NEDD4L: variants seen among roughly 807,000 people sequenced by gnomAD.
The protein encoded by NEDD4L is NEDD4 like E3 ubiquitin protein ligase, also known as E3 ubiquitin-protein ligase NEDD4-like.
NEDD4L carries 54 observed loss-of-function variants against 148.9 expected under a neutral mutation model. That is an observed-to-expected ratio of 0.36 (90% CI 0.29 to 0.45). NEDD4L has a LOEUF of 0.45. NEDD4L is among the 20% of genes least tolerant of loss of function. The pLI is 1.00. For missense variants in NEDD4L, 856 were observed against 1,233.8 expected, an observed-to-expected ratio of 0.69 and a Z score of 4.59; for synonymous variants, 433 against 440.7, an observed-to-expected ratio of 0.98 and a Z score of 0.22.
intron 5 of NEDD4L, among the ~76,000 whole-genome samples, chr18:58,272,201 TAAG>T (rs1373733126): frequency 6.6e-6 from 1 of 152,190 alleles, no homozygotes; most frequent in African/African-American, 2.4e-5. Context: ...ATTAAATTCA[TAAG>T]ATAATAGTAG....
chr18:58,133,594 G>C (rs747395155), intron 1 of NEDD4L, among the ~76,000 whole-genome samples: 1 of 152,090 alleles, frequency 6.6e-6, no homozygotes, highest in South Asian at 2.1e-4. Flanking sequence ...ATTGCAAGTT[G>C]ATTTTTTTTC....
At chr18:58,208,164 A>G (rs2042161142) in intron 2 of NEDD4L, among the ~76,000 whole-genome samples, 1 of 152,216 alleles carries the variant, frequency 6.6e-6, no homozygotes, top group Admixed American at 6.5e-5. Flanking sequence ...GTAACATTTT[A>G]TTCACTGGGA....
chr18:58,150,880 C>T (rs2034640875), intron 1 of NEDD4L, among the ~76,000 whole-genome samples: 1 of 152,030 alleles, frequency 6.6e-6, no homozygotes, highest in Non-Finnish European at 1.5e-5. Flanking sequence ...GTACCATGAC[C>T]CCCTTCTCCT....
At chr18:58,229,587 G>A (rs2044821943) in intron 2 of NEDD4L, among the ~76,000 whole-genome samples, 2 of 152,142 alleles carry the variant, frequency 1.3e-5, no homozygotes, top group African/African-American at 4.8e-5. Flanking sequence ...AAAAATTTGA[G>A]GTTAATCACA....
At chr18:58,069,498 A>C (rs1168722892) in intron 1 of NEDD4L, among the ~76,000 whole-genome samples, 1 of 152,224 alleles carries the variant, frequency 6.6e-6, no homozygotes, top group Non-Finnish European at 1.5e-5. Flanking sequence ...CCCTGGAAGA[A>C]AGTTTGGCTG....
intron 2 of NEDD4L, among the ~76,000 whole-genome samples, chr18:58,212,867 A>G (rs545518878): frequency 6.6e-6 from 1 of 152,372 alleles, no homozygotes; most frequent in African/African-American, 2.4e-5. Context: ...GTTACTATCT[A>G]TAACAAAAAA....
rs182990526 is a variant in NEDD4L, at chr18:58,169,394, C to T, written c.122+3533C>T. On this transcript the variant is annotated intron_variant, in intron 2 of 30. Coordinates refer to ENST00000400345, the MANE Select transcript of NEDD4L (RefSeq NM_001144967.3). ...ATATAATCTGTCATCTAAACTGGGACGCTTTTGTCTGGAATGAATGCGACA... is the reference window on the plus strand; with the variant it reads ...ATATAATCTGTCATCTAAACTGGGATGCTTTTGTCTGGAATGAATGCGACA... 3.1e-3 allele frequency among the ~76,000 whole-genome samples: 474 copies of T among 152,170 alleles called. 2 individuals are homozygous for T. Among genetic ancestry groups the T allele is most frequent in the Non-Finnish European group, 4.8e-3 (327 of 68,002 alleles).
At chr18:58,269,371 C>A (rs1230860021) in intron 5 of NEDD4L, among the ~76,000 whole-genome samples, 1 of 152,040 alleles carries the variant, frequency 6.6e-6, no homozygotes, top group African/African-American at 2.4e-5. Flanking sequence ...ACCCTGCATT[C>A]AGAGTGGTGT....
chr18:58,315,711 G>A (rs765714636), intron 5 of NEDD4L, among the ~76,000 whole-genome samples: 18 of 152,106 alleles, frequency 1.2e-4, no homozygotes, highest in Admixed American at 2.0e-4. Context: ...TCTCTTCCCT[G>A]ACTGATCATG....
At chr18:58,270,567 A>G (rs1055443892) in intron 5 of NEDD4L, among the ~76,000 whole-genome samples, 3 of 152,208 alleles carry the variant, frequency 2.0e-5, no homozygotes, top group Non-Finnish European at 4.4e-5. Context: ...TCCTAGCCAC[A>G]GGTTATTTTA....
intron 1 of NEDD4L, among the ~76,000 whole-genome samples, chr18:58,152,333 C>A (rs2034883582): frequency 6.6e-6 from 1 of 152,116 alleles, no homozygotes. Flanking sequence ...GCATTGCTGG[C>A]TCCGAGAGAG....
At chr18:58,122,650 G>T (rs1858850481) in intron 1 of NEDD4L, among the ~76,000 whole-genome samples, 1 of 152,198 alleles carries the variant, frequency 6.6e-6, no homozygotes, top group Admixed American at 6.5e-5. Flanking sequence ...TAATGAGGCT[G>T]CTATACCTGG....
intron 5 of NEDD4L, among the ~76,000 whole-genome samples, chr18:58,254,232 CTT>C (rs1568483572): frequency 2.6e-5 from 4 of 152,150 alleles, no homozygotes; most frequent in Admixed American, 2.6e-4. Flanking sequence ...TTAAAATAAA[CTT>C]TTTGTTACTC....
chr18:58,359,631 AT>A (rs1175264889), intron 19 of NEDD4L, among the ~76,000 whole-genome samples: 1 of 152,126 alleles, frequency 6.6e-6, no homozygotes, highest in Non-Finnish European at 1.5e-5. Flanking sequence ...TTTGCCCACC[AT>A]TGGTTCTTCC....
Position 58,244,667 on chromosome 18 carries a change from G to T in NEDD4L, c.123-760G>T, listed in dbSNP as rs542342918. ...GTTTTCTAGGGTTTTGTTTTGATTT[G>T]TTTTTTTATGTTTTTGTTTTTGTCT... On this transcript the variant is annotated intron_variant, in intron 2 of 30. Transcript: ENST00000400345. 1.0e-2 allele frequency among the ~76,000 whole-genome samples: 1,504 copies of T among 150,872 alleles called. 17 individuals carry two copies. The highest frequency in any genetic ancestry group is 0.017 in the Middle Eastern group (5 of 294).
rs1366015317 is a variant in NEDD4L at position 58,400,667 on chromosome 18, A to G, written c.*4398A>G. 1 of 152,178 alleles carries G rather than the reference A, an allele frequency of 6.6e-6. No homozygotes were observed. The highest frequency in any genetic ancestry group is 1.5e-5 in the Non-Finnish European group (1 of 68,034). The allele number at this position is 152,178 out of a possible 1,614,324, so 9.4% of individuals were successfully genotyped here. A position where few individuals can be genotyped will look rare whatever the true frequency, so the allele number is the denominator to read the frequency against. On this transcript the variant is annotated 3_prime_UTR_variant, in exon 31 of 31. Transcript: ENST00000400345. ...TTCCGTTCGTTGGTTTTCTGTGTGT[A>G]AGGAGTAGCATTGCTGTTGGCGCCT...
intron 11 of NEDD4L, 53 bp downstream of exon 11, chr18:58,330,967 TG>T: frequency 6.3e-7 from 1 of 1,575,540 alleles, no homozygotes; most frequent in South Asian, 1.1e-5. Flanking sequence ...TATTGTTTTT[TG>T]TTGCTTAAGG....
intron 1 of NEDD4L, among the ~76,000 whole-genome samples, chr18:58,095,052 T>G (rs983457403): frequency 1.3e-5 from 2 of 152,230 alleles, no homozygotes; most frequent in African/African-American, 4.8e-5. Flanking sequence ...GCCTATTGAT[T>G]GTGTATTCAC....
chr18:58,100,102 C>G (rs538729495), intron 1 of NEDD4L, among the ~76,000 whole-genome samples: 1 of 152,206 alleles, frequency 6.6e-6, no homozygotes, highest in Admixed American at 6.5e-5. Flanking sequence ...TGGGATGATG[C>G]ATCCTCGGGC....
Sources: gnomAD v4.1 joint callset for allele counts (sites outside exome capture counted in the v4.1 genomes callset) on GRCh38, gnomAD v4.1.1 for gene constraint, MANE v1.5 for transcripts, NCBI Gene and HGNC (gene_info 2026-07-23, HGNC 2026-07-21) for gene names.